Variants in AUTS2 observed in about 807,000 individuals in gnomAD.
AUTS2 encodes the protein activator of transcription and developmental regulator AUTS2.
In AUTS2, 17 loss-of-function variants were observed where a neutral mutation model predicts 112.4. That is an observed-to-expected ratio of 0.15 (90% CI 0.10 to 0.23). AUTS2 has a LOEUF of 0.23. Among genes scored for constraint, AUTS2 ranks in the 10% least tolerant of loss-of-function variants. AUTS2 has a pLI of 1.00. For synonymous variants in AUTS2, 751 were observed against 702.7 expected, an observed-to-expected ratio of 1.07 and a Z score of -1.09; for missense variants, 1,510 against 1,701.6, an observed-to-expected ratio of 0.89 and a Z score of 1.98.
intron 5 of AUTS2, among the ~76,000 whole-genome samples, chr7:70,563,481 A>G (rs1314754912): frequency 6.6e-6 from 1 of 152,180 alleles, no homozygotes; most frequent in African/African-American, 2.4e-5. Context: ...ATGTTAATAG[A>G]TGTCACTGGT....
At chr7:70,409,880 T>C (rs1794700434) in intron 4 of AUTS2, among the ~76,000 whole-genome samples, 1 of 152,168 alleles carries the variant, frequency 6.6e-6, no homozygotes, top group South Asian at 2.1e-4. Flanking sequence ...GAAATTCAAA[T>C]GCCAATTCAA....
At chr7:70,304,886 G>A (rs757857411) in intron 4 of AUTS2, among the ~76,000 whole-genome samples, 28 of 152,140 alleles carry the variant, frequency 1.8e-4, no homozygotes, top group Middle Eastern at 3.4e-3. Context: ...GATTATAGCA[G>A]TGACATAGTT....
In AUTS2 at chr7:70,498,206, C is replaced by T. The variant is rs1012537439; in HGVS notation, c.690+62425C>T. On this transcript the variant is annotated intron_variant, in intron 5 of 18. Coordinates refer to ENST00000342771, the MANE Select transcript of AUTS2 (RefSeq NM_015570.4). Reference sequence around the variant, plus strand: ...CAGAAAGATCAAGGAGTGTGGAAACCGGCATGCGTTGCCTTCCTGAAATCC... The same window carrying T: ...CAGAAAGATCAAGGAGTGTGGAAACTGGCATGCGTTGCCTTCCTGAAATCC... Among the ~76,000 whole-genome samples the T allele has an allele frequency of 5.3e-5, 8 of 152,230 alleles. No homozygotes were observed. In the South Asian group the frequency reaches 8.3e-4, roughly 16 times the overall value.
intron 2 of AUTS2, among the ~76,000 whole-genome samples, chr7:69,928,452 G>C (rs1441482989): frequency 6.6e-6 from 1 of 152,212 alleles, no homozygotes; most frequent in Non-Finnish European, 1.5e-5. Context: ...CAGTAAGGCT[G>C]TCTGTGCCAG....
intron 1 of AUTS2, among the ~76,000 whole-genome samples, chr7:69,755,124 G>T (rs147053899): frequency 6.6e-4 from 101 of 152,274 alleles, no homozygotes; most frequent in African/African-American, 2.3e-3. Flanking sequence ...GGTTTGGGGC[G>T]GACAGGCAGA....
intron 2 of AUTS2, among the ~76,000 whole-genome samples, chr7:69,908,033 C>T (rs1477328648): frequency 6.6e-6 from 1 of 152,216 alleles, no homozygotes; most frequent in East Asian, 1.9e-4. Flanking sequence ...TGACCTCCCT[C>T]TTGGAAGTGC....
chr7:69,812,987 C>A (rs183585255), intron 1 of AUTS2, among the ~76,000 whole-genome samples: 1 of 152,272 alleles, frequency 6.6e-6, no homozygotes, highest in East Asian at 1.9e-4. Context: ...TCATATCACT[C>A]CTCAGTTCAA....
intron 2 of AUTS2, among the ~76,000 whole-genome samples, chr7:69,979,409 C>T (rs1010277511): frequency 6.6e-6 from 1 of 152,166 alleles, no homozygotes; most frequent in African/African-American, 2.4e-5. Flanking sequence ...GTTTTGACAG[C>T]TCAAATAACC....
chr7:70,231,078 A>G (rs968593492), intron 4 of AUTS2, among the ~76,000 whole-genome samples: 5 of 152,190 alleles, frequency 3.3e-5, no homozygotes, highest in African/African-American at 2.4e-5. Context: ...AGTTTATTGC[A>G]TGCCTTTGGT....
chr7:70,075,964 C>T (rs994925452), intron 2 of AUTS2, among the ~76,000 whole-genome samples: 1 of 152,208 alleles, frequency 6.6e-6, no homozygotes, highest in Non-Finnish European at 1.5e-5. Flanking sequence ...TACAGCTACT[C>T]AACTCTGCCA....
At chr7:70,151,466 G>A (rs371644653) in intron 4 of AUTS2, among the ~76,000 whole-genome samples, 12 of 152,044 alleles carry the variant, frequency 7.9e-5, no homozygotes, top group East Asian at 1.9e-4. Flanking sequence ...ACAGTTTGCC[G>A]TGACACTTTT....
chr7:69,826,072 C>G (rs1388276411), intron 1 of AUTS2, among the ~76,000 whole-genome samples: 2 of 152,030 alleles, frequency 1.3e-5, no homozygotes, highest in Non-Finnish European at 2.9e-5. Flanking sequence ...TTTAGGTAGC[C>G]CATATTGAAT....
intron 2 of AUTS2, among the ~76,000 whole-genome samples, chr7:70,003,334 A>G (rs1321352590): frequency 1.5e-5 from 2 of 131,038 alleles, no homozygotes; most frequent in African/African-American, 5.8e-5. Context: ...ATATGAATAT[A>G]TAATATGTAT....
chr7:69,624,532 C>T (rs1793844832), intron 1 of AUTS2, among the ~76,000 whole-genome samples: 2 of 152,198 alleles, frequency 1.3e-5, no homozygotes, highest in Non-Finnish European at 2.9e-5. Flanking sequence ...AAGGGATGCT[C>T]ATGGTAAAAG....
chr7:69,857,545 G>C (rs547419950), intron 1 of AUTS2, among the ~76,000 whole-genome samples: 112 of 152,332 alleles, frequency 7.4e-4, no homozygotes, highest in Non-Finnish European at 1.4e-3. Flanking sequence ...AGGGAGGAAA[G>C]TAGGGCTATG....
chr7:70,510,973 TGAG>T (rs1799158877), intron 5 of AUTS2, among the ~76,000 whole-genome samples: 1 of 151,942 alleles, frequency 6.6e-6, no homozygotes, highest in Admixed American at 6.6e-5. Flanking sequence ...CTCAGCCTCC[TGAG>T]TAGTTGGGAT....
At chr7:70,118,078 A>C (rs763255119) in intron 2 of AUTS2, 54 bp from the exon 3 acceptor site, 12 of 1,540,786 alleles carry the variant, frequency 7.8e-6, no homozygotes, top group Non-Finnish European at 9.6e-6. Context: ...AAAAACAGGA[A>C]CTAAGAAGCA....
At chr7:69,991,979 A>G (rs1435603453) in intron 2 of AUTS2, among the ~76,000 whole-genome samples, 2 of 152,184 alleles carry the variant, frequency 1.3e-5, no homozygotes, top group African/African-American at 4.8e-5. Context: ...GTTTGTGCAT[A>G]CTTATGTAAG....
chr7:69,919,795 A>G (rs1331307640), intron 2 of AUTS2, among the ~76,000 whole-genome samples: 1 of 152,204 alleles, frequency 6.6e-6, no homozygotes, highest in Admixed American at 6.5e-5. Flanking sequence ...TAAAAAAACT[A>G]GGAACTACCT....
Sources: allele counts gnomAD v4.1 joint callset (sites outside exome capture counted in the v4.1 genomes callset), GRCh38; gene constraint gnomAD v4.1.1; transcripts MANE v1.5; gene names NCBI Gene and HGNC (gene_info 2026-07-23, HGNC 2026-07-21).